Variants in SGSM2 observed in about 807,000 individuals in gnomAD.
The protein encoded by SGSM2 is small G protein signaling modulator 2, also known as RUN and TBC1 domain containing 1.
Under a neutral mutation model 126.6 loss-of-function variants are expected in SGSM2, and 89 were observed. The ratio of observed to expected loss-of-function variants is 0.70; its 90% confidence interval spans 0.59 to 0.84. The LOEUF (loss-of-function observed/expected upper bound fraction) is 0.84, where lower values mean the gene tolerates loss of function less well. Among genes scored for constraint, SGSM2 ranks in the 40% least tolerant of loss-of-function variants. The pLI is 0.00. For synonymous variants in SGSM2, 614 were observed against 574.3 expected (o/e 1.07, Z -0.99); for missense variants, 1,404 against 1,416.6 (o/e 0.99, Z 0.14).
intron 2 of SGSM2, among the ~76,000 whole-genome samples, chr17:2,349,058 C>G (rs1022473424): frequency 6.6e-6 from 1 of 151,850 alleles, no homozygotes; most frequent in Admixed American, 6.6e-5. Flanking sequence ...GCCACCACCC[C>G]ACCCCACATC....
chr17:2,338,922 G>A (rs1329616020), intron 1 of SGSM2, among the ~76,000 whole-genome samples: 2 of 151,680 alleles, frequency 1.3e-5, no homozygotes, highest in Non-Finnish European at 2.9e-5. Context: ...AGCCAGGGGT[G>A]GTGGTGCGTG....
rs267604773 is a variant in SGSM2 at position 2,365,254 on chromosome 17, C to T, written c.1201C>T (p.Arg401Cys). The change falls in exon 11 of 24, where the codon CGC becomes TGC. Residue 401 changes from arginine (R) to cysteine (C), a missense_variant. Transcript: ENST00000268989. ...FPKLRKRSSI[R>C]SVDMEEMGTG... ...CAAGCTACGGAAACGAAGCAGCATT[C>T]GCTCCGTGGATATGGAGGAGATGGG... 23 of 1,611,816 alleles carry T rather than the reference C, an allele frequency of 1.4e-5. No individual in the cohort carries two copies. Among genetic ancestry groups the T allele is most frequent in the African/African-American group, 2.7e-5 (2 of 74,882 alleles).
chr17:2,372,482 C>T lies in SGSM2; in HGVS notation c.1782C>T (p.Asp594=), dbSNP rs753626832. Reference sequence around the variant, plus strand: ...ACGTGTGGAGCAAGTATCAGAAGGACAAAAAGGTGCCAACCCTGGGGTTCC... The same window carrying T: ...ACGTGTGGAGCAAGTATCAGAAGGATAAAAAGGTGCCAACCCTGGGGTTCC... The part of the protein sequence containing the change: ...TKDVWSKYQK[D]KKNYKELELL... The change falls in exon 15 of 24, where the codon GAC becomes GAT. Residue 594 remains aspartate, a synonymous_variant. Transcript: ENST00000268989. This position sits in a 1 kb window ranked among gnomAD's most constrained non-coding sequence, Gnocchi z 6.0. The T allele has an allele frequency of 6.3e-7, 1 of 1,598,058 alleles. No individual in the cohort carries two copies. Among genetic ancestry groups the T allele is most frequent in the Non-Finnish European group, 8.5e-7 (1 of 1,175,716 alleles).
rs148931902 is a variant in SGSM2, at chr17:2,340,011, A to C, written c.57+2266A>C. ...AAGCAGTCTAGTGACAGAGACTTGAACAGTGTAAACAAAATAGAAAAGTAC... is the reference window on the plus strand; with the variant it reads ...AAGCAGTCTAGTGACAGAGACTTGACCAGTGTAAACAAAATAGAAAAGTAC... On this transcript the variant is annotated intron_variant, in intron 1 of 23. Coordinates refer to ENST00000268989, the MANE Select transcript of SGSM2 (RefSeq NM_014853.3). Among the ~76,000 whole-genome samples the C allele has an allele frequency of 7.2e-5, 11 of 152,372 alleles. No homozygotes were observed. The East Asian group carries it at 2.1e-3, about 29-fold the overall frequency.
chr17:2,379,879 T>A lies in SGSM2; in HGVS notation c.*359T>A. 1 of 1,301,856 alleles carries A rather than the reference T, an allele frequency of 7.7e-7. No homozygotes were observed. The highest frequency in any genetic ancestry group is 1.5e-5 in the African/African-American group (1 of 67,916). The allele number at this position is 1,301,856 out of a possible 1,614,324, so 80.6% of individuals were successfully genotyped here. ...GGGGCCCCACAGGATTAACAGGGGC[T>A]ATAGCGGCCTGGGCCCTACTCAGCT... On this transcript the variant is annotated 3_prime_UTR_variant, in exon 24 of 24. Transcript: ENST00000268989.
In SGSM2 at chr17:2,380,591, G is replaced by A. The variant is rs995321417; in HGVS notation, c.*1071G>A. 7 of 493,336 alleles carry A rather than the reference G, an allele frequency of 1.4e-5. No individual in the cohort carries two copies. Among genetic ancestry groups the A allele is most frequent in the African/African-American group, 1.4e-4 (7 of 51,230 alleles). 30.6% of individuals were successfully genotyped at this position (493,336 alleles called of 1,614,324 possible). On this transcript the variant is annotated 3_prime_UTR_variant, in exon 24 of 24. Transcript: ENST00000268989. Reference sequence around the variant, plus strand: ...CCAGAAACCCCCTTGGAGGAGCTGTGTATGCGGGGGTGCCAGGAAGGGCAT... The same window carrying A: ...CCAGAAACCCCCTTGGAGGAGCTGTATATGCGGGGGTGCCAGGAAGGGCAT...
At chr17:2,347,942 G>A (rs2064675154) in intron 2 of SGSM2, among the ~76,000 whole-genome samples, 2 of 152,118 alleles carry the variant, frequency 1.3e-5, no homozygotes, top group African/African-American at 4.8e-5. Context: ...CCCAGGGATT[G>A]GGGCAGACAC....
At chr17:2,338,012 C>T (rs2151450289) in intron 1 of SGSM2, among the ~76,000 whole-genome samples, 1 of 152,174 alleles carries the variant, frequency 6.6e-6, no homozygotes, top group Non-Finnish European at 1.5e-5. Flanking sequence ...GCGCTGGGAG[C>T]CCAAGGCCGG....
intron 12 of SGSM2, among the ~76,000 whole-genome samples, chr17:2,369,496 C>T (rs1057448981): frequency 2.6e-5 from 4 of 152,326 alleles, no homozygotes; most frequent in Non-Finnish European, 5.9e-5. Flanking sequence ...CCCCTCCCCC[C>T]GTCCAGCCTG....
Position 2,372,497 on chromosome 17 carries a change from C to T in SGSM2, c.1788+9C>T. On this transcript the variant is annotated intron_variant, in intron 15 of 23. Coordinates refer to ENST00000268989, the MANE Select transcript of SGSM2 (RefSeq NM_014853.3). This position sits in a 1 kb window ranked among gnomAD's most constrained non-coding sequence, Gnocchi z 6.0. Reference sequence around the variant, plus strand: ...ATCAGAAGGACAAAAAGGTGCCAACCCTGGGGTTCCAGGGCCACAGGTCGA... The same window carrying T: ...ATCAGAAGGACAAAAAGGTGCCAACTCTGGGGTTCCAGGGCCACAGGTCGA... 2 of 1,595,586 alleles carry T rather than the reference C, an allele frequency of 1.3e-6. No homozygotes were observed. Among genetic ancestry groups the T allele is most frequent in the Non-Finnish European group, 1.7e-6 (2 of 1,174,840 alleles).
chr17:2,368,059 T>G (rs2065679418), intron 12 of SGSM2, among the ~76,000 whole-genome samples: 4 of 152,216 alleles, frequency 2.6e-5, no homozygotes. Context: ...TGCCCCTGGT[T>G]CACTGTGTGG....
rs756780882 is a variant in SGSM2 at position 2,362,249 on chromosome 17, A to G, written c.437A>G (p.Gln146Arg). ...GAGAAAGTTCTGGACAAGGTCGTGC[A>G]ATACCTGGCGGAAAACTGCAGGTGA... The part of the protein sequence containing the change: ...LIEKVLDKVV[Q>R]YLAENCSKYY... Residue 146 changes from glutamine to arginine, a missense_variant, in exon 4 of 24, where the codon CAA becomes CGA. By Grantham distance (43) the Gln-to-Arg change is conservative. Coordinates refer to ENST00000268989, the MANE Select transcript of SGSM2 (RefSeq NM_014853.3). This position sits in a 1 kb window ranked among gnomAD's most constrained non-coding sequence, Gnocchi z 4.9. 6.2e-7 allele frequency: 1 copy of G among 1,611,698 alleles called. No homozygotes were observed. Among genetic ancestry groups the G allele is most frequent in the Non-Finnish European group, 8.5e-7 (1 of 1,179,258 alleles).
chr17:2,377,533 T>C (rs1208789846), intron 21 of SGSM2: 2 of 176,452 alleles, frequency 1.1e-5, no homozygotes, highest in East Asian at 1.4e-4. Flanking sequence ...TGAGGAGGAG[T>C]GTGTGTGTGT....
intron 19 of SGSM2, 72 bp downstream of exon 19, chr17:2,376,333 G>T: frequency 6.4e-7 from 1 of 1,571,132 alleles, no homozygotes; most frequent in Non-Finnish European, 8.6e-7. Context: ...GATGAGGTCC[G>T]GAAGGTGCCC....
chr17:2,347,785 T>C (rs1382581321), intron 2 of SGSM2, among the ~76,000 whole-genome samples: 3 of 152,136 alleles, frequency 2.0e-5, no homozygotes, highest in African/African-American at 7.2e-5. Flanking sequence ...CATAGTGTTT[T>C]ATTTACCCTA....
intron 11 of SGSM2, among the ~76,000 whole-genome samples, chr17:2,366,254 A>AGG (rs2065578910): frequency 6.6e-6 from 1 of 152,104 alleles, no homozygotes; most frequent in Non-Finnish European, 1.5e-5. Flanking sequence ...CCTGGGCCCA[A>AGG]GGGGGTCTCT....
intron 2 of SGSM2, among the ~76,000 whole-genome samples, chr17:2,349,858 G>A (rs2064773423): frequency 6.6e-6 from 1 of 151,590 alleles, no homozygotes; most frequent in Admixed American, 6.6e-5. Context: ...AGCGGTCTTG[G>A]CTCACTGCAA....
intron 21 of SGSM2, chr17:2,377,346 T>C (rs1420753902): frequency 1.4e-5 from 5 of 351,340 alleles, no homozygotes; most frequent in Non-Finnish European, 2.6e-5. Context: ...TAGCCGGGCG[T>C]GGTGGCACAC....
At chr17:2,373,296 G>A (rs371272906) in intron 16 of SGSM2, 35 bp from the exon 17 acceptor site, 55 of 1,594,364 alleles carry the variant, frequency 3.4e-5, no homozygotes, top group Non-Finnish European at 4.4e-5. Context: ...CCTGGTGCAC[G>A]CTTCCCCCAT....
Sources: gnomAD v4.1 joint callset for allele counts (sites outside exome capture counted in the v4.1 genomes callset) on GRCh38, gnomAD v4.1.1 for gene constraint, Gnocchi (gnomAD v3.1) non-coding constraint, MANE v1.5 for transcripts, NCBI Gene and HGNC (gene_info 2026-07-23, HGNC 2026-07-21) for gene names.